The following GPR139 variants were observed in gnomAD, a reference collection of about 807,000 sequenced individuals.
GPR139 encodes G protein-coupled receptor 139, also known as probable G protein-coupled receptor 139.
In GPR139, 12 loss-of-function variants were observed where a neutral mutation model predicts 25.8. The ratio of observed to expected loss-of-function variants is 0.47; its 90% CI spans 0.30 to 0.75. The LOEUF (loss-of-function observed/expected upper bound fraction) is 0.75, where lower values mean the gene tolerates loss of function less well. Among genes scored for constraint, GPR139 ranks in the 30% least tolerant of loss-of-function variants. The probability of loss-of-function intolerance (pLI) is 0.07; values close to 1 mark genes in which losing one functional copy is unlikely to be tolerated. For missense variants in GPR139, 380 were observed against 450.2 expected (o/e 0.84, Z 1.41); for synonymous variants, 184 against 179.9 (o/e 1.02, Z -0.18).
chr16:20,073,539 AC>A lies in GPR139; in HGVS notation c.77del (p.Gly26ValfsTer21). 6.2e-7 allele frequency: 1 copy of A among 1,602,326 alleles called. No individual in the cohort carries two copies. The highest frequency in any genetic ancestry group is 8.5e-7 in the Non-Finnish European group (1 of 1,175,458). On this transcript the variant is annotated frameshift_variant, in exon 1 of 2. Transcript: ENST00000570682. LOFTEE classifies it high-confidence loss of function. The surrounding 1 kb of genome is among the most constrained non-coding windows in gnomAD (Gnocchi z 4.7). ...WWSPGSACGL[G>X]FVPVVYYSLL... Reference sequence around the variant, plus strand: ...GGCTGTAGTAGACCACGGGCACGAAACCCAAGCCGCAGGCCGAGCCGGGGGA... The same window carrying A: ...GGCTGTAGTAGACCACGGGCACGAAACCAAGCCGCAGGCCGAGCCGGGGGA...
rs1567236013 is a variant in GPR139 at position 20,041,225 on chromosome 16, GGAGAGGAGAGGAGAGGAGAGGAGAGGGAA to G, written c.128-8585_128-8557del. On this transcript the variant is annotated intron_variant, in intron 1 of 1. Transcript: ENST00000570682. ...GGAGAGGAGAGGAGAGGAGAGGAGA[GGAGAGGAGAGGAGAGGAGAGGAGAGGGAA>G]GGAGAAAAGAAAAGCATCTCTCTCT... Among the ~76,000 whole-genome samples the G allele has an allele frequency of 8.5e-3, 43 of 5,074 alleles. 2 individuals are homozygous for G. Among genetic ancestry groups the G allele is most frequent in the Middle Eastern group, 0.056 (1 of 18 alleles). The allele number at this position is 5,074 out of a possible 152,430, so 3.3% of individuals were successfully genotyped here.
chr16:20,054,144 C>T (rs923513802), intron 1 of GPR139, among the ~76,000 whole-genome samples: 1 of 152,174 alleles, frequency 6.6e-6, no homozygotes, highest in Non-Finnish European at 1.5e-5. Context: ...AAATATTTGT[C>T]TAAGGCAGCA....
At position 20,031,849 on chromosome 16, in the gene GPR139, A is replaced by G; in HGVS notation, c.948T>C (p.Asn316=). Residue 316 remains asparagine (N), a synonymous_variant, in exon 2 of 2, where the codon AAT becomes AAC. Coordinates refer to ENST00000570682, the MANE Select transcript of GPR139 (RefSeq NM_001002911.4). ...GGCTACTTGTTATGGAAAAGTTATG[A>G]TTGGTGTAGAACTGTACAGGTTGCT... ...CQKQPVQFYT[N]HNFSITSSPW... 6.2e-7 allele frequency: 1 copy of G among 1,614,204 alleles called. No individual in the cohort carries two copies. The highest frequency in any genetic ancestry group is 1.1e-5 in the South Asian group (1 of 91,082).
chr16:20,050,246 G>A (rs4780274), intron 1 of GPR139, among the ~76,000 whole-genome samples: 138,873 of 152,236 alleles, frequency 0.91, 63,379 homozygotes, highest in East Asian at 0.98. Context: ...ATAGGAGCCA[G>A]TCGAGTGACT....
chr16:20,037,577 T>C (rs2057314551), intron 1 of GPR139, among the ~76,000 whole-genome samples: 1 of 152,148 alleles, frequency 6.6e-6, no homozygotes, highest in Admixed American at 6.5e-5. Flanking sequence ...GGAATCAGCT[T>C]CTTATGTTCA....
chr16:20,055,040 A>T (rs1386437971), intron 1 of GPR139, among the ~76,000 whole-genome samples: 1 of 152,020 alleles, frequency 6.6e-6, no homozygotes, highest in Non-Finnish European at 1.5e-5. Flanking sequence ...AGATTATTTC[A>T]TCACCCAGGT....
chr16:20,062,110 A>T lies in GPR139; in HGVS notation c.127+11380T>A, dbSNP rs531036278. Among the ~76,000 whole-genome samples, 33 of 152,306 alleles carry T rather than the reference A, an allele frequency of 2.2e-4. 1 individual carries two copies. In the South Asian group the frequency reaches 4.8e-3, roughly 22 times the overall value. On this transcript the variant is annotated intron_variant, in intron 1 of 1. Coordinates refer to ENST00000570682, the MANE Select transcript of GPR139 (RefSeq NM_001002911.4). ...TAGTGAGACCCCATCTCTAAATTAAATATACTTTTAAAAAAGGACATTGTA... is the reference window on the plus strand; with the variant it reads ...TAGTGAGACCCCATCTCTAAATTAATTATACTTTTAAAAAAGGACATTGTA...
Position 20,073,853 on chromosome 16 carries a change from G to C in GPR139, c.-237C>G, listed in dbSNP as rs1268881892. The C allele has an allele frequency of 1.1e-5, 5 of 475,170 alleles. No homozygotes were observed. In the Admixed American group the frequency reaches 2.3e-4, roughly 22 times the overall value. The allele number at this position is 475,170 out of a possible 1,614,324, so 29.4% of individuals were successfully genotyped here. The stretch of plus-strand genomic sequence containing the variant: ...CGGGGCGCAGGGTGCGGGGCGCGCT[G>C]CGCGGGGCCTCGGGAGGGGCTCCCG... On this transcript the variant is annotated 5_prime_UTR_variant, in exon 1 of 2. Transcript: ENST00000570682. The surrounding 1 kb of genome is among the most constrained non-coding windows in gnomAD (Gnocchi z 4.7).
At chr16:20,045,125 G>C (rs1209121431) in intron 1 of GPR139, among the ~76,000 whole-genome samples, 2 of 150,580 alleles carry the variant, frequency 1.3e-5, no homozygotes, top group Admixed American at 6.7e-5. Flanking sequence ...TCAGCCTCCC[G>C]AGATGCTGGG....
chr16:20,041,538 C>T (rs1212451817), intron 1 of GPR139, among the ~76,000 whole-genome samples: 1 of 151,846 alleles, frequency 6.6e-6, no homozygotes, highest in African/African-American at 2.4e-5. Context: ...TGTTACCTGC[C>T]CCACTCTGGA....
chr16:20,032,093 G>A lies in GPR139; in HGVS notation c.704C>T (p.Ser235Phe), dbSNP rs551069792. Reference sequence around the variant, plus strand: ...GGGGGCCCAAAGTGTGGCAAAGATGGAGGTAATGGTGAACAAGATGGCGGT... The same window carrying A: ...GGGGGCCCAAAGTGTGGCAAAGATGAAGGTAATGGTGAACAAGATGGCGGT... ...KTTAILFTITSIFATLWAPRI... is the reference protein window; with the variant it reads ...KTTAILFTITFIFATLWAPRI... Residue 235 changes from serine (S) to phenylalanine (F), a missense_variant, in exon 2 of 2, where the codon TCC becomes TTC. Physicochemically the swap from Ser to Phe is radical, Grantham distance 155. Coordinates refer to ENST00000570682, the MANE Select transcript of GPR139 (RefSeq NM_001002911.4). 6.2e-7 allele frequency: 1 copy of A among 1,614,208 alleles called. No individual in the cohort carries two copies. Among genetic ancestry groups the A allele is most frequent in the African/African-American group, 1.3e-5 (1 of 75,054 alleles).
Position 20,029,462 on chromosome 16 carries a change from A to G in GPR139, c.*2273T>C, listed in dbSNP as rs944774148. ...TCAAACTAGCATTTTTCAGAGCTACATGTTTAAAAAATAAATAAATAAATA... is the reference window on the plus strand; with the variant it reads ...TCAAACTAGCATTTTTCAGAGCTACGTGTTTAAAAAATAAATAAATAAATA... On this transcript the variant is annotated 3_prime_UTR_variant, in exon 2 of 2. Coordinates refer to ENST00000570682, the MANE Select transcript of GPR139 (RefSeq NM_001002911.4). Among the ~76,000 whole-genome samples, 1 of 128,656 alleles carries G rather than the reference A, an allele frequency of 7.8e-6. No individual in the cohort carries two copies. The highest frequency in any genetic ancestry group is 9.1e-5 in the Admixed American group (1 of 10,964). 84.4% of individuals were successfully genotyped at this position (128,656 alleles called of 152,430 possible). A position where few individuals can be genotyped will look rare whatever the true frequency, so the allele number is the denominator to read the frequency against.
intron 1 of GPR139, among the ~76,000 whole-genome samples, chr16:20,064,654 T>C (rs759386568): frequency 6.6e-6 from 1 of 152,196 alleles, no homozygotes; most frequent in African/African-American, 2.4e-5. Flanking sequence ...CCCTGAATTA[T>C]CTCATTTCAG....
intron 1 of GPR139, among the ~76,000 whole-genome samples, chr16:20,059,404 GTCT>G (rs1262442980): frequency 6.6e-6 from 1 of 151,996 alleles, no homozygotes; most frequent in African/African-American, 2.4e-5. Flanking sequence ...AACCTCACTG[GTCT>G]TTCGTGCCAG....
intron 1 of GPR139, 150 bp from the exon 2 acceptor site, chr16:20,032,819 A>G (rs2057296035): frequency 8.2e-6 from 5 of 606,440 alleles, no homozygotes; most frequent in Admixed American, 3.0e-5. Context: ...AGCATTACAA[A>G]TAGCACCTCA....
At position 20,073,491 on chromosome 16, in the gene GPR139, T is replaced by C; in HGVS notation, c.126A>G (p.Pro42=). The change falls in exon 1 of 2, where the codon CCA becomes CCG. Residue 42 remains proline, a splice_region_variant and synonymous_variant. Coordinates refer to ENST00000570682, the MANE Select transcript of GPR139 (RefSeq NM_001002911.4). The surrounding 1 kb of genome is among the most constrained non-coding windows in gnomAD (Gnocchi z 4.7). ...CTCCCTCTCCCCCACGCCCCTCACCTGGTAAACCGAGGCACAGCAAGAGGC... is the reference window on the plus strand; with the variant it reads ...CTCCCTCTCCCCCACGCCCCTCACCCGGTAAACCGAGGCACAGCAAGAGGC... ...YYSLLLCLGL[P]ANILTVIILS... is the part of the protein sequence containing the mutation. 1 of 1,611,516 alleles carries C rather than the reference T, an allele frequency of 6.2e-7. No individual in the cohort carries two copies. The highest frequency in any genetic ancestry group is 8.5e-7 in the Non-Finnish European group (1 of 1,179,050).
chr16:20,054,071 G>A (rs1001042903), intron 1 of GPR139, among the ~76,000 whole-genome samples: 1 of 152,152 alleles, frequency 6.6e-6, no homozygotes, highest in African/African-American at 2.4e-5. Context: ...ATGTGTGTCA[G>A]TCTTGTTTAG....
chr16:20,073,793 C>T lies in GPR139; in HGVS notation c.-177G>A, dbSNP rs1288921640. Reference sequence around the variant, plus strand: ...CCCCTCTGCTCGCTCCGCACCTGCCCGCCTGGAGTCTTGGCTCAGCCCTCC... The same window carrying T: ...CCCCTCTGCTCGCTCCGCACCTGCCTGCCTGGAGTCTTGGCTCAGCCCTCC... On this transcript the variant is annotated 5_prime_UTR_variant, in exon 1 of 2. Coordinates refer to ENST00000570682, the MANE Select transcript of GPR139 (RefSeq NM_001002911.4). This position sits in a 1 kb window ranked among gnomAD's most constrained non-coding sequence, Gnocchi z 4.7. 2 of 781,474 alleles carry T rather than the reference C, an allele frequency of 2.6e-6. No individual in the cohort carries two copies. Among genetic ancestry groups the T allele is most frequent in the South Asian group, 2.2e-5 (1 of 46,144 alleles). The allele number at this position is 781,474 out of a possible 1,614,324, so 48.4% of individuals were successfully genotyped here.
intron 1 of GPR139, among the ~76,000 whole-genome samples, chr16:20,034,441 G>A (rs1302618641): frequency 6.6e-6 from 1 of 152,192 alleles, no homozygotes; most frequent in African/African-American, 2.4e-5. Flanking sequence ...AAGAAGCTCT[G>A]TTCTCATTCT....
Sources: gnomAD v4.1 joint callset for allele counts (sites outside exome capture counted in the v4.1 genomes callset) on GRCh38, gnomAD v4.1.1 for gene constraint, Gnocchi (gnomAD v3.1) non-coding constraint, MANE v1.5 for transcripts, NCBI Gene and HGNC (gene_info 2026-07-23, HGNC 2026-07-21) for gene names.